CDH8: variants seen among roughly 807,000 people sequenced by gnomAD.
CDH8 encodes the protein cadherin-8.
In CDH8, 17 loss-of-function variants were observed where a neutral mutation model predicts 68.1. The observed-to-expected ratio is 0.25, with a 90% CI of 0.17 to 0.37. CDH8 has a LOEUF of 0.37. Among genes scored for constraint, CDH8 ranks in the 10% least tolerant of loss-of-function variants. The pLI is 1.00. For synonymous variants in CDH8, 372 were observed against 365.1 expected (o/e 1.02, Z -0.21); for missense variants, 763 against 999.3 (o/e 0.76, Z 3.19).
chr16:61,744,353 C>T (rs1019803335), intron 8 of CDH8, among the ~76,000 whole-genome samples: 2 of 151,984 alleles, frequency 1.3e-5, no homozygotes, highest in African/African-American at 4.8e-5. Flanking sequence ...TAACATTTTT[C>T]TCCATATTTG....
chr16:61,980,096 C>A (rs1321080602), intron 2 of CDH8, among the ~76,000 whole-genome samples: 1 of 152,152 alleles, frequency 6.6e-6, no homozygotes, highest in African/African-American at 2.4e-5. Context: ...TGAGGGAAAG[C>A]CCACACAGGG....
chr16:61,860,277 C>T (rs188938650), intron 3 of CDH8, among the ~76,000 whole-genome samples: 3 of 152,218 alleles, frequency 2.0e-5, no homozygotes, highest in African/African-American at 7.2e-5. Context: ...TTTTGGACTT[C>T]CCAGCCTCCA....
intron 7 of CDH8, among the ~76,000 whole-genome samples, chr16:61,801,490 G>A (rs561507011): frequency 4.3e-4 from 66 of 152,264 alleles, no homozygotes; most frequent in Middle Eastern, 3.4e-3. Flanking sequence ...GAACAGCTCC[G>A]GTCTACAGCT....
chr16:61,938,811 A>G (rs1226833262), intron 2 of CDH8, among the ~76,000 whole-genome samples: 1 of 152,190 alleles, frequency 6.6e-6, no homozygotes, highest in African/African-American at 2.4e-5. Flanking sequence ...CAGTGTGTAC[A>G]CACTGTGTGA....
At chr16:61,781,221 T>C (rs939655294) in intron 8 of CDH8, among the ~76,000 whole-genome samples, 12 of 152,226 alleles carry the variant, frequency 7.9e-5, no homozygotes, top group African/African-American at 2.9e-4. Flanking sequence ...AAATGTTTCT[T>C]AAGCCAAGCT....
At chr16:61,972,577 T>G (rs971407294) in intron 2 of CDH8, among the ~76,000 whole-genome samples, 38 of 140,156 alleles carry the variant, frequency 2.7e-4, no homozygotes, top group South Asian at 6.5e-4. Context: ...TGTGGGTGTG[T>G]GTGTGTGTGT....
chr16:61,911,784 G>T (rs549607099), intron 2 of CDH8, among the ~76,000 whole-genome samples: 42 of 151,954 alleles, frequency 2.8e-4, no homozygotes, highest in Non-Finnish European at 4.7e-4. Context: ...GATGAAATAA[G>T]AATAAGACTG....
At chr16:61,704,947 G>A (rs72796882) in intron 10 of CDH8, among the ~76,000 whole-genome samples, 27,319 of 152,088 alleles carry the variant, frequency 0.18, 2,822 homozygotes, top group Middle Eastern at 0.26. Context: ...AAGGATGATT[G>A]TGCTCAGCAT....
rs527262188 is a variant in CDH8 at position 61,958,141 on chromosome 16, T to C, written c.253-56668A>G. On this transcript the variant is annotated intron_variant, in intron 2 of 11. Coordinates refer to ENST00000577390, the MANE Select transcript of CDH8 (RefSeq NM_001796.5). Reference sequence around the variant, plus strand: ...AAATTGATCAAACCCTGTGGATGATTAGCAATCAAGAAGCACAGAGCTTGG... The same window carrying C: ...AAATTGATCAAACCCTGTGGATGATCAGCAATCAAGAAGCACAGAGCTTGG... 7.2e-5 allele frequency among the ~76,000 whole-genome samples: 11 copies of C among 152,244 alleles called. No homozygotes were observed. The South Asian group carries it at 1.2e-3, about 17-fold the overall frequency.
chr16:61,959,114 C>T (rs1339803643), intron 2 of CDH8, among the ~76,000 whole-genome samples: 8 of 151,980 alleles, frequency 5.3e-5, no homozygotes, highest in African/African-American at 1.9e-4. Flanking sequence ...TTTAACACAC[C>T]TTCTCCCCCA....
intron 8 of CDH8, among the ~76,000 whole-genome samples, chr16:61,764,557 G>A (rs1379762092): frequency 1.3e-5 from 2 of 152,016 alleles, no homozygotes; most frequent in Non-Finnish European, 2.9e-5. Context: ...GTACATTTTA[G>A]TTCATCTCAA....
At chr16:61,657,105 C>T (rs1963463465) in intron 10 of CDH8, among the ~76,000 whole-genome samples, 1 of 151,536 alleles carries the variant, frequency 6.6e-6, no homozygotes, top group Non-Finnish European at 1.5e-5. Context: ...GAACACAGGG[C>T]TACCTAATCA....
chr16:61,688,374 T>C (rs1964148355), intron 10 of CDH8, among the ~76,000 whole-genome samples: 2 of 152,134 alleles, frequency 1.3e-5, no homozygotes, highest in Middle Eastern at 3.4e-3. Context: ...ATATGTACGG[T>C]GGCAATTGTT....
chr16:61,949,013 AG>A (rs569070545), intron 2 of CDH8, among the ~76,000 whole-genome samples: 17 of 152,176 alleles, frequency 1.1e-4, no homozygotes, highest in Non-Finnish European at 1.9e-4. Context: ...TCTAAATTGG[AG>A]ATACACAGTA....
In CDH8 at chr16:61,930,000, C is replaced by T. The variant is rs141224924; in HGVS notation, c.253-28527G>A. Reference sequence around the variant, plus strand: ...TATAGTCATAAGTCAGTTTAACATACGCAGAGTTTGTTCTTCTATGACTCT... The same window carrying T: ...TATAGTCATAAGTCAGTTTAACATATGCAGAGTTTGTTCTTCTATGACTCT... On this transcript the variant is annotated intron_variant, in intron 2 of 11. Transcript: ENST00000577390. 9.9e-5 allele frequency among the ~76,000 whole-genome samples: 15 copies of T among 152,210 alleles called. No homozygotes were observed. In the East Asian group the frequency reaches 1.5e-3, roughly 16 times the overall value.
chr16:61,801,485 G>A (rs1376140787), intron 7 of CDH8, among the ~76,000 whole-genome samples: 3 of 152,220 alleles, frequency 2.0e-5, no homozygotes, highest in Admixed American at 6.5e-5. Flanking sequence ...AATAGGAACA[G>A]CTCCGGTCTA....
chr16:61,997,710 C>T (rs1226047102), intron 2 of CDH8, among the ~76,000 whole-genome samples: 1 of 152,074 alleles, frequency 6.6e-6, no homozygotes, highest in African/African-American at 2.4e-5. Context: ...ATAAACCAAC[C>T]TCACGTAACT....
intron 3 of CDH8, among the ~76,000 whole-genome samples, chr16:61,869,204 C>T (rs992340238): frequency 6.6e-6 from 1 of 152,154 alleles, no homozygotes; most frequent in Non-Finnish European, 1.5e-5. Flanking sequence ...TGCCACCAAA[C>T]TGTTCCTGGT....
intron 2 of CDH8, among the ~76,000 whole-genome samples, chr16:61,902,173 G>C (rs1235284848): frequency 6.6e-6 from 1 of 152,154 alleles, no homozygotes; most frequent in Non-Finnish European, 1.5e-5. Context: ...CCAGAATTTA[G>C]GAGTACATTT....
Sources: gnomAD v4.1 joint callset for allele counts (sites outside exome capture counted in the v4.1 genomes callset) on GRCh38, gnomAD v4.1.1 for gene constraint, MANE v1.5 for transcripts, NCBI Gene and HGNC (gene_info 2026-07-23, HGNC 2026-07-21) for gene names.